The following CTNNA3 variants were observed in gnomAD, a reference collection of about 807,000 sequenced individuals.
CTNNA3 encodes the protein catenin alpha-3.
Under a neutral mutation model 95.7 loss-of-function variants are expected in CTNNA3, and 76 were observed. The observed-to-expected ratio is 0.79, with a 90% CI of 0.66 to 0.96. The LOEUF (loss-of-function observed/expected upper bound fraction) is 0.96. Among genes scored for constraint, CTNNA3 ranks in the 40% least tolerant of loss-of-function variants. The pLI is 0.00. For synonymous variants in CTNNA3, 431 were observed against 374.4 expected (o/e 1.15, Z -1.74); for missense variants, 1,191 against 1,089.8 (o/e 1.09, Z -1.31).
chr10:67,639,827 C>G (rs930577025), intron 2 of CTNNA3, among the ~76,000 whole-genome samples: 1 of 152,104 alleles, frequency 6.6e-6, no homozygotes. Context: ...TAAAAACTCT[C>G]AATAAATTAC....
chr10:66,981,288 GC>G (rs1850426444), intron 7 of CTNNA3, among the ~76,000 whole-genome samples: 1 of 152,194 alleles, frequency 6.6e-6, no homozygotes, highest in Non-Finnish European at 1.5e-5. Context: ...TACATTTATA[GC>G]TGTTTTCTTT....
At chr10:66,763,341 C>CACAGAGAGAGAGAGAGAG (rs371974709) in intron 9 of CTNNA3, among the ~76,000 whole-genome samples, 21 of 139,102 alleles carry the variant, frequency 1.5e-4, no homozygotes, top group Non-Finnish European at 2.9e-4. Context: ...CACACACACA[C>CACAGAGAGAGAGAGAGAG]AGAGAGAGAG....
chr10:66,758,932 T>C (rs1385384951), intron 9 of CTNNA3, among the ~76,000 whole-genome samples: 2 of 150,836 alleles, frequency 1.3e-5, no homozygotes, highest in African/African-American at 4.8e-5. Flanking sequence ...GTGAGACTTG[T>C]CTCAAACAAA....
At chr10:66,276,169 A>G (rs898513491) in intron 13 of CTNNA3, among the ~76,000 whole-genome samples, 1 of 152,144 alleles carries the variant, frequency 6.6e-6, no homozygotes, top group African/African-American at 2.4e-5. Context: ...ATAGAGTTAG[A>G]AAACTGACAC....
chr10:67,057,241 A>G (rs1855492899), intron 7 of CTNNA3, among the ~76,000 whole-genome samples: 1 of 152,186 alleles, frequency 6.6e-6, no homozygotes, highest in African/African-American at 2.4e-5. Flanking sequence ...TGCCACAATC[A>G]ATTAATATAT....
Position 67,675,763 on chromosome 10 carries a change from C to T in CTNNA3, c.-6+20237G>A, listed in dbSNP as rs1840523573. 2.0e-5 allele frequency among the ~76,000 whole-genome samples: 3 copies of T among 152,144 alleles called. No individual in the cohort carries two copies. In the South Asian group the frequency reaches 6.2e-4, roughly 32 times the overall value. On this transcript the variant is annotated intron_variant, in intron 1 of 17. Coordinates refer to ENST00000433211, the MANE Select transcript of CTNNA3 (RefSeq NM_013266.4). ...AGGGAGCAAGAGGATTGGGAAACAA[C>T]AATGCAATCCACTTTATATGGATGA...
chr10:65,990,559 G>A (rs763335084), intron 15 of CTNNA3, among the ~76,000 whole-genome samples: 7 of 150,774 alleles, frequency 4.6e-5, no homozygotes, highest in African/African-American at 7.3e-5. Flanking sequence ...TCCTTTGCCC[G>A]CTTTTTGATG....
chr10:66,541,694 T>A (rs1050511275), intron 10 of CTNNA3, among the ~76,000 whole-genome samples: 3 of 152,132 alleles, frequency 2.0e-5, no homozygotes, highest in Non-Finnish European at 4.4e-5. Context: ...TTATTTTTTC[T>A]AATAGATAAA....
At chr10:66,539,846 C>A (rs890468244) in intron 10 of CTNNA3, among the ~76,000 whole-genome samples, 1 of 152,010 alleles carries the variant, frequency 6.6e-6, no homozygotes, top group African/African-American at 2.4e-5. Flanking sequence ...TGAATCAGAG[C>A]CTGCATTATA....
At chr10:67,242,095 T>C (rs1865736294) in intron 5 of CTNNA3, among the ~76,000 whole-genome samples, 1 of 152,192 alleles carries the variant, frequency 6.6e-6, no homozygotes, top group Admixed American at 6.5e-5. Context: ...AATATATATT[T>C]CAGGCATATC....
At chr10:66,197,972 A>G (rs2087071752) in intron 13 of CTNNA3, among the ~76,000 whole-genome samples, 3 of 152,318 alleles carry the variant, frequency 2.0e-5, no homozygotes, top group Middle Eastern at 6.8e-3. Flanking sequence ...AATAAAAATC[A>G]TTAGTAAGTG....
intron 3 of CTNNA3, 97 bp from the exon 4 acceptor site, chr10:67,539,766 T>A: frequency 2.0e-6 from 2 of 999,290 alleles, no homozygotes; most frequent in South Asian, 3.6e-5. Context: ...ATTCCAAGAC[T>A]AAGCATAATA....
intron 13 of CTNNA3, among the ~76,000 whole-genome samples, chr10:66,199,791 ATATATATATATATATTTTTTTTT>A (rs1362504499): frequency 4.1e-3 from 50 of 12,306 alleles, no homozygotes; most frequent in Non-Finnish European, 7.1e-3. Flanking sequence ...ATATATATAT[ATATATATATATATATTTTTTTTT>A]TTTTTTTTTT....
intron 13 of CTNNA3, among the ~76,000 whole-genome samples, chr10:66,215,967 T>C (rs1339934930): frequency 6.6e-6 from 1 of 152,222 alleles, no homozygotes; most frequent in East Asian, 1.9e-4. Flanking sequence ...GAAGGCAAAC[T>C]CTCAAGCCTC....
rs1388302693 is a variant in CTNNA3 at position 66,992,176 on chromosome 10, CAT to C, written c.1047+188139_1047+188140del. On this transcript the variant is annotated intron_variant, in intron 7 of 17. Coordinates refer to ENST00000433211, the MANE Select transcript of CTNNA3 (RefSeq NM_013266.4). The stretch of plus-strand genomic sequence containing the variant: ...AGTTCCAGTTTCTCTACCTCCCAGA[CAT>C]ATGTATTGTCATGCTTTAATTTTTA... Among the ~76,000 whole-genome samples, 4 of 152,296 alleles carry C rather than the reference CAT, an allele frequency of 2.6e-5. No homozygotes were observed. In the East Asian group the frequency reaches 7.7e-4, roughly 29 times the overall value.
At chr10:66,388,180 C>T (rs959704087) in intron 11 of CTNNA3, among the ~76,000 whole-genome samples, 24 of 151,918 alleles carry the variant, frequency 1.6e-4, no homozygotes, top group Non-Finnish European at 2.5e-4. Flanking sequence ...ATGTATTCAA[C>T]GAATGTTTAC....
At chr10:66,275,243 G>C (rs559287150) in intron 13 of CTNNA3, among the ~76,000 whole-genome samples, 1 of 152,184 alleles carries the variant, frequency 6.6e-6, no homozygotes, top group East Asian at 1.9e-4. Flanking sequence ...TCAACCTCCT[G>C]AGAAACTGGG....
rs7093627 is a variant in CTNNA3, at chr10:66,311,775, T to C, written c.1733-31154A>G. Among the ~76,000 whole-genome samples the C allele has an allele frequency of 5.1e-3, 769 of 152,264 alleles. 4 individuals are homozygous for C. Among genetic ancestry groups the C allele is most frequent in the African/African-American group, 0.017 (718 of 41,562 alleles). On this transcript the variant is annotated intron_variant, in intron 12 of 17. Transcript: ENST00000433211. ...AACTCTTGTATATGGAAAAGGAATA[T>C]GGGAAAATAATTTTTTTTACGTTGC...
rs147173159 is a variant in CTNNA3 at position 66,431,870 on chromosome 10, A to T, written c.1532-52518T>A. 9.6e-3 allele frequency among the ~76,000 whole-genome samples: 1,454 copies of T among 152,198 alleles called. 50 individuals are homozygous for T. The East Asian group carries it at 0.11, about 12-fold the overall frequency. ...TATGTAACAAACCTGCACGTTGTGC[A>T]CATGTACCCTAGAACTTAAAGTATA... is the stretch of plus-strand genomic sequence containing the variant. On this transcript the variant is annotated intron_variant, in intron 11 of 17. Transcript: ENST00000433211.
Sources: gnomAD v4.1 joint callset for allele counts (sites outside exome capture counted in the v4.1 genomes callset) on GRCh38, gnomAD v4.1.1 for gene constraint, MANE v1.5 for transcripts, NCBI Gene and HGNC (gene_info 2026-07-23, HGNC 2026-07-21) for gene names.